RGS7BP: variants seen among roughly 807,000 people sequenced by gnomAD.
RGS7BP encodes the protein regulator of G protein signaling 7-binding protein.
RGS7BP carries 9 observed loss-of-function variants against 31.3 expected under a neutral mutation model. That is an observed-to-expected ratio of 0.29 (90% CI 0.17 to 0.50). The LOEUF (loss-of-function observed/expected upper bound fraction) is 0.50, where lower values mean the gene tolerates loss of function less well. Ranked by LOEUF, RGS7BP falls within the 20% of genes least tolerant of loss-of-function variation. The pLI is 0.98. For synonymous variants in RGS7BP, 115 were observed against 120.1 expected (o/e 0.96, Z 0.28); for missense variants, 274 against 322.0 (o/e 0.85, Z 1.14).
At chr5:64,580,723 G>A (rs1024433466) in intron 3 of RGS7BP, among the ~76,000 whole-genome samples, 4 of 152,080 alleles carry the variant, frequency 2.6e-5, no homozygotes, top group South Asian at 2.1e-4. Flanking sequence ...TAATGTACTC[G>A]TAACCAAACA....
At chr5:64,515,679 A>C (rs1748952601) in intron 2 of RGS7BP, among the ~76,000 whole-genome samples, 1 of 151,362 alleles carries the variant, frequency 6.6e-6, no homozygotes, top group Non-Finnish European at 1.5e-5. Flanking sequence ...GTAAAACTTC[A>C]TGAAAAACAT....
intron 3 of RGS7BP, among the ~76,000 whole-genome samples, chr5:64,584,128 G>A (rs1322271063): frequency 3.3e-5 from 5 of 152,208 alleles, no homozygotes; most frequent in Non-Finnish European, 7.3e-5. Flanking sequence ...AGAAGGGCAG[G>A]AGGGCATATC....
intron 2 of RGS7BP, among the ~76,000 whole-genome samples, chr5:64,528,778 T>C (rs1318137892): frequency 8.3e-5 from 10 of 121,006 alleles, no homozygotes; most frequent in Non-Finnish European, 1.4e-4. Flanking sequence ...ACCATTGCAC[T>C]CCAGCCTGGG....
At chr5:64,544,159 T>G (rs1741591681) in intron 2 of RGS7BP, among the ~76,000 whole-genome samples, 1 of 152,218 alleles carries the variant, frequency 6.6e-6, no homozygotes, top group Admixed American at 6.5e-5. Flanking sequence ...GGCATTGTAT[T>G]AAGCACCGGG....
At chr5:64,595,827 C>A (rs1322591168) in intron 4 of RGS7BP, among the ~76,000 whole-genome samples, 4 of 152,058 alleles carry the variant, frequency 2.6e-5, no homozygotes, top group Non-Finnish European at 4.4e-5. Context: ...GTTCTACTTT[C>A]AGATTGTGAT....
At chr5:64,551,271 T>TA (rs1246366890) in intron 2 of RGS7BP, among the ~76,000 whole-genome samples, 1 of 150,198 alleles carries the variant, frequency 6.7e-6, no homozygotes, top group Non-Finnish European at 1.5e-5. Flanking sequence ...TATTTTATTT[T>TA]TTTTTTTTTG....
chr5:64,527,049 C>T (rs1749248249), intron 2 of RGS7BP, among the ~76,000 whole-genome samples: 1 of 152,208 alleles, frequency 6.6e-6, no homozygotes. Context: ...AGACCAAATA[C>T]CCCACGAAAA....
chr5:64,529,214 T>C (rs915193258), intron 2 of RGS7BP, among the ~76,000 whole-genome samples: 17 of 152,298 alleles, frequency 1.1e-4, no homozygotes, highest in African/African-American at 4.1e-4. Context: ...ACACCAAAAA[T>C]AGAATATTTC....
Position 64,603,629 on chromosome 5 carries a change from A to G in RGS7BP, c.682+5194A>G, listed in dbSNP as rs149785288. 3.6e-3 allele frequency among the ~76,000 whole-genome samples: 551 copies of G among 152,334 alleles called. 4 individuals carry two copies. The highest frequency in any genetic ancestry group is 0.013 in the African/African-American group (530 of 41,582). On this transcript the variant is annotated intron_variant, in intron 5 of 5. Coordinates refer to ENST00000334025, the MANE Select transcript of RGS7BP (RefSeq NM_001029875.3). ...GCAAAGAAGGAATGGCCAGTGGTGAAGTTAAATACGAATTGGAAGTGTCCA... is the reference window on the plus strand; with the variant it reads ...GCAAAGAAGGAATGGCCAGTGGTGAGGTTAAATACGAATTGGAAGTGTCCA...
chr5:64,597,083 TTG>T (rs776794929), intron 4 of RGS7BP, among the ~76,000 whole-genome samples: 3 of 152,180 alleles, frequency 2.0e-5, no homozygotes, highest in Non-Finnish European at 2.9e-5. Context: ...CATCTGCTTT[TTG>T]TACCAAATTA....
intron 2 of RGS7BP, among the ~76,000 whole-genome samples, chr5:64,559,760 C>T (rs907798778): frequency 1.3e-5 from 2 of 152,140 alleles, no homozygotes; most frequent in Non-Finnish European, 2.9e-5. Flanking sequence ...AGGTGCTGAG[C>T]ATCCTTCCAA....
At position 64,610,526 on chromosome 5, in the gene RGS7BP, G is replaced by C. The variant is rs1038303873; in HGVS notation, c.*1274G>C. 8 of 151,900 alleles carry C rather than the reference G, an allele frequency of 5.3e-5. No homozygotes were observed. Among genetic ancestry groups the C allele is most frequent in the African/African-American group, 1.9e-4 (8 of 41,378 alleles). The allele number at this position is 151,900 out of a possible 1,614,324, so 9.4% of individuals were successfully genotyped here. ...TGAAAAACCTTCAAGTCAGACAGGA[G>C]GCACCAGTGTCCAGTACAATAGAAG... On this transcript the variant is annotated 3_prime_UTR_variant, in exon 6 of 6. Transcript: ENST00000334025.
chr5:64,562,019 AAATGATACTACATCAAG>A (rs1471874913), intron 2 of RGS7BP, among the ~76,000 whole-genome samples: 4 of 152,178 alleles, frequency 2.6e-5, no homozygotes, highest in African/African-American at 7.2e-5. Flanking sequence ...GTTGGCAATA[AAATGATACTACATCAAG>A]GAAGGAAATA....
At chr5:64,558,628 T>C (rs1393674004) in intron 2 of RGS7BP, among the ~76,000 whole-genome samples, 1 of 151,976 alleles carries the variant, frequency 6.6e-6, no homozygotes, top group Non-Finnish European at 1.5e-5. Context: ...AACAGAATAA[T>C]AGCAATGTTC....
chr5:64,536,638 G>A (rs1010762381), intron 2 of RGS7BP, among the ~76,000 whole-genome samples: 13 of 152,230 alleles, frequency 8.5e-5, no homozygotes, highest in Non-Finnish European at 8.8e-5. Flanking sequence ...CTTCACTTAC[G>A]TGAGTCACTG....
chr5:64,606,267 G>A (rs1349897929), intron 5 of RGS7BP, among the ~76,000 whole-genome samples: 2 of 151,632 alleles, frequency 1.3e-5, no homozygotes, highest in Non-Finnish European at 2.9e-5. Context: ...CAACATACAC[G>A]TACACATTTT....
rs1203154136 is a variant in RGS7BP at position 64,577,270 on chromosome 5, C to T, written c.463+1366C>T. Among the ~76,000 whole-genome samples the T allele has an allele frequency of 3.3e-5, 5 of 151,868 alleles. No individual in the cohort carries two copies. In the East Asian group the frequency reaches 9.7e-4, roughly 29 times the overall value. ...TGGCTAACACGGTGAAACCCAGTCT[C>T]TACTAAAAATACAAAAACAAAATTA... On this transcript the variant is annotated intron_variant, in intron 3 of 5. Coordinates refer to ENST00000334025, the MANE Select transcript of RGS7BP (RefSeq NM_001029875.3).
chr5:64,538,446 G>A (rs1741428198), intron 2 of RGS7BP, among the ~76,000 whole-genome samples: 1 of 123,762 alleles, frequency 8.1e-6, no homozygotes, highest in African/African-American at 3.1e-5. Flanking sequence ...TTTTGTCTTT[G>A]TCAAAATATC....
intron 5 of RGS7BP, among the ~76,000 whole-genome samples, chr5:64,606,230 A>C (rs1209439732): frequency 6.6e-6 from 1 of 152,042 alleles, no homozygotes; most frequent in Admixed American, 6.6e-5. Context: ...ATACAAAAAC[A>C]AGACAGTGGA....
Sources: gnomAD v4.1 joint callset for allele counts (sites outside exome capture counted in the v4.1 genomes callset) on GRCh38, gnomAD v4.1.1 for gene constraint, MANE v1.5 for transcripts, NCBI Gene and HGNC (gene_info 2026-07-23, HGNC 2026-07-21) for gene names.